TSNARE1: variants seen among roughly 807,000 people sequenced by gnomAD.
TSNARE1 encodes t-SNARE domain containing 1.
A neutral mutation model predicts 62.0 loss-of-function variants in TSNARE1; 49 were observed. That is an observed-to-expected ratio of 0.79 (90% CI 0.63 to 1.00). The LOEUF (loss-of-function observed/expected upper bound fraction) is 1.00, where lower values mean the gene tolerates loss of function less well. TSNARE1 is among the 50% of genes least tolerant of loss of function. The pLI, the probability that TSNARE1 is intolerant of heterozygous loss-of-function variation, is 0.00. For synonymous variants in TSNARE1, 328 were observed against 294.4 expected (o/e 1.11, Z -1.17); for missense variants, 755 against 700.1 (o/e 1.08, Z -0.88).
At chr8:142,273,398 C>T (rs868511653) in intron 12 of TSNARE1, 2 of 985,308 alleles carry the variant, frequency 2.0e-6, no homozygotes, top group African/African-American at 3.5e-5. Flanking sequence ...CTGCCCATCA[C>T]CTTCTGCCTC....
At chr8:142,290,270 G>A (rs567357023) in intron 10 of TSNARE1, among the ~76,000 whole-genome samples, 2 of 152,296 alleles carry the variant, frequency 1.3e-5, no homozygotes, top group South Asian at 4.2e-4. Flanking sequence ...CAGGGCAGCA[G>A]CAGTTCTGGT....
chr8:142,269,986 C>T (rs1241375761), intron 12 of TSNARE1: 10 of 985,336 alleles, frequency 1.0e-5, no homozygotes, highest in African/African-American at 1.7e-5. Flanking sequence ...CTCGGCTGTG[C>T]CAGAGCTTCC....
chr8:142,282,331 G>C (rs553141814), intron 11 of TSNARE1, among the ~76,000 whole-genome samples: 1 of 152,264 alleles, frequency 6.6e-6, no homozygotes, highest in Non-Finnish European at 1.5e-5. Context: ...TCTGGGCAGA[G>C]GCCCAGGATG....
chr8:142,240,864 C>A (rs1351129339), intron 12 of TSNARE1, among the ~76,000 whole-genome samples: 1 of 152,128 alleles, frequency 6.6e-6, no homozygotes, highest in African/African-American at 2.4e-5. Flanking sequence ...TTTATAGGCT[C>A]TAGATGCTTA....
chr8:142,385,557 C>A (rs773013373), intron 1 of TSNARE1, among the ~76,000 whole-genome samples: 7 of 151,970 alleles, frequency 4.6e-5, no homozygotes, highest in Non-Finnish European at 1.0e-4. Flanking sequence ...GAGGGGAATA[C>A]GACAAGAGGG....
At chr8:142,336,567 C>T (rs1354875021) in intron 4 of TSNARE1, among the ~76,000 whole-genome samples, 1 of 152,042 alleles carries the variant, frequency 6.6e-6, no homozygotes, top group Non-Finnish European at 1.5e-5. Context: ...CTTGAAAATA[C>T]GTGAAGCAAA....
intron 11 of TSNARE1, among the ~76,000 whole-genome samples, chr8:142,282,295 C>A (rs1740077171): frequency 6.6e-6 from 1 of 152,250 alleles, no homozygotes; most frequent in African/African-American, 2.4e-5. Context: ...CCTATCCACC[C>A]CAGAACAGCC....
chr8:142,314,511 A>G (rs1828206322), intron 8 of TSNARE1, 71 bp from the exon 9 acceptor site: 2 of 1,364,218 alleles, frequency 1.5e-6, no homozygotes, highest in East Asian at 2.3e-5. Flanking sequence ...AGAAATGGTC[A>G]GCTGAGTGCA....
intron 13 of TSNARE1, among the ~76,000 whole-genome samples, chr8:142,214,045 A>C (rs1012123475): frequency 6.6e-6 from 1 of 152,146 alleles, no homozygotes; most frequent in African/African-American, 2.4e-5. Flanking sequence ...AAGGCTTTCC[A>C]TAGCTGGTAT....
chr8:142,315,071 G>T lies in TSNARE1; in HGVS notation c.1006C>A (p.Arg336Ser). ...GTTTTCAGCCGGTCCAGCTGAGGAC[G>T]CTCCTGCTGCAGACGCTCCTGCTGC... ...SCPQERLQQERPQLDRLKTQL... is the reference protein window; with the variant it reads ...SCPQERLQQESPQLDRLKTQL... The change falls in exon 8 of 14, where the codon CGT (arginine) becomes AGT (serine). Residue 336 changes from arginine (R) to serine (S), a missense_variant. By Grantham distance (110) the Arg-to-Ser change is moderately radical. Transcript: ENST00000524325. 6.2e-7 allele frequency: 1 copy of T among 1,613,898 alleles called. No individual in the cohort carries two copies.
chr8:142,254,422 C>T (rs532270373), intron 12 of TSNARE1, among the ~76,000 whole-genome samples: 11 of 152,224 alleles, frequency 7.2e-5, no homozygotes, highest in Non-Finnish European at 7.3e-5. Context: ...TCCAAACCAC[C>T]TGGAGCCTGC....
intron 9 of TSNARE1, among the ~76,000 whole-genome samples, chr8:142,312,217 G>A (rs1827717319): frequency 6.6e-6 from 1 of 152,212 alleles, no homozygotes; most frequent in African/African-American, 2.4e-5. Context: ...GGATTTTGGA[G>A]TTTTAACTTA....
chr8:142,275,470 C>T, intron 11 of TSNARE1: 1 of 985,366 alleles, frequency 1.0e-6, no homozygotes, highest in South Asian at 4.7e-5. Context: ...ATCAGCAGGG[C>T]CCACGGGAGA....
At chr8:142,233,700 A>G (rs912044861) in intron 12 of TSNARE1, among the ~76,000 whole-genome samples, 5 of 152,150 alleles carry the variant, frequency 3.3e-5, no homozygotes, top group African/African-American at 1.2e-4. Context: ...AGCGGGAACC[A>G]GTGCCTAGGT....
intron 12 of TSNARE1, among the ~76,000 whole-genome samples, chr8:142,234,639 C>G (rs990954183): frequency 6.6e-6 from 1 of 152,244 alleles, no homozygotes; most frequent in Non-Finnish European, 1.5e-5. Context: ...GGCAGTCCCT[C>G]CAGCCTCTGC....
chr8:142,343,779 A>AGGAGGAGGAGGGGGAGGAGGAGGG lies in TSNARE1; in HGVS notation c.745+186_745+187insCCCTCCTCCTCCCCCTCCTCCTCC, dbSNP rs1375265334. Among the ~76,000 whole-genome samples the AGGAGGAGGAGGGGGAGGAGGAGGG allele has an allele frequency of 6.1e-5, 3 of 49,262 alleles. No individual in the cohort carries two copies. In the African/African-American group the frequency reaches 7.8e-4, roughly 13 times the overall value. 32.3% of individuals were successfully genotyped at this position (49,262 alleles called of 152,430 possible). On this transcript the variant is annotated intron_variant, in intron 4 of 13. Coordinates refer to ENST00000524325, the MANE Select transcript of TSNARE1 (RefSeq NM_145003.5). ...GGGGGGAGGAGGGGAGAAGAGGAGGAGGAGGAGGAGGAGGAGGGGGAGGAG... is the reference window on the plus strand; with the variant it reads ...GGGGGGAGGAGGGGAGAAGAGGAGGAGGAGGAGGAGGGGGAGGAGGAGGGGGAGGAGGAGGAGGAGGGGGAGGAG...
At chr8:142,343,932 C>A in intron 4 of TSNARE1, 34 bp downstream of exon 4, 2 of 1,493,430 alleles carry the variant, frequency 1.3e-6, no homozygotes, top group Non-Finnish European at 1.8e-6. Context: ...GACAGAGTGG[C>A]ACCCTAGCAA....
intron 12 of TSNARE1, among the ~76,000 whole-genome samples, chr8:142,256,807 G>A (rs920943943): frequency 6.6e-6 from 1 of 152,182 alleles, no homozygotes; most frequent in African/African-American, 2.4e-5. Flanking sequence ...TGACTCTGGG[G>A]ACAATCCTCA....
chr8:142,359,787 G>A (rs1378323346), intron 1 of TSNARE1, among the ~76,000 whole-genome samples: 3 of 152,218 alleles, frequency 2.0e-5, no homozygotes, highest in Admixed American at 6.5e-5. Context: ...ACTAAGGCCC[G>A]GGGTCAGCCA....
Sources: allele counts gnomAD v4.1 joint callset (sites outside exome capture counted in the v4.1 genomes callset), GRCh38; gene constraint gnomAD v4.1.1; transcripts MANE v1.5; gene names NCBI Gene and HGNC (gene_info 2026-07-23, HGNC 2026-07-21).